The following MAPK10 variants were observed in gnomAD, a reference collection of about 807,000 sequenced individuals.
MAPK10 encodes the protein mitogen-activated protein kinase 10.
In MAPK10, 25 loss-of-function variants were observed where a neutral mutation model predicts 59.3. The ratio of observed to expected loss-of-function variants is 0.42; its 90% CI spans 0.31 to 0.59. MAPK10 has a LOEUF of 0.59. Ranked by LOEUF, MAPK10 falls within the 20% of genes least tolerant of loss-of-function variation. The pLI is 0.15. For missense variants in MAPK10, 351 were observed against 568.9 expected, an observed-to-expected ratio of 0.62 and a Z score of 3.90; for synonymous variants, 190 against 200.5, an observed-to-expected ratio of 0.95 and a Z score of 0.44.
chr4:86,487,336 A>C (rs1754070627), intron 1 of MAPK10, among the ~76,000 whole-genome samples: 1 of 148,654 alleles, frequency 6.7e-6, no homozygotes, highest in African/African-American at 2.5e-5. Flanking sequence ...AAGCTATCTA[A>C]AATAGTTCAT....
intron 1 of MAPK10, among the ~76,000 whole-genome samples, chr4:86,534,698 G>A (rs1466558399): frequency 6.6e-6 from 1 of 152,034 alleles, no homozygotes; most frequent in African/African-American, 2.4e-5. Context: ...CTGAGGTCAG[G>A]AGTTCGAGAC....
intron 2 of MAPK10, among the ~76,000 whole-genome samples, chr4:86,310,879 C>G (rs1272301364): frequency 6.6e-6 from 1 of 151,990 alleles, no homozygotes; most frequent in African/African-American, 2.4e-5. Flanking sequence ...TACTCCACAT[C>G]TCCTACTGTG....
chr4:86,477,866 C>T (rs1228777307), intron 1 of MAPK10, among the ~76,000 whole-genome samples: 3 of 152,146 alleles, frequency 2.0e-5, no homozygotes, highest in African/African-American at 7.2e-5. Flanking sequence ...CCTTTGCACC[C>T]TTCGTCCCAG....
intron 1 of MAPK10, among the ~76,000 whole-genome samples, chr4:86,487,730 C>CAAA (rs556680512): frequency 1.0e-5 from 1 of 95,696 alleles, no homozygotes; most frequent in Admixed American, 1.0e-4. Context: ...GACTCTGTCT[C>CAAA]AAAAAAAAAA....
At chr4:86,224,218 AAT>A (rs1302788482) in intron 2 of MAPK10, among the ~76,000 whole-genome samples, 1 of 152,186 alleles carries the variant, frequency 6.6e-6, no homozygotes, top group Non-Finnish European at 1.5e-5. Flanking sequence ...AGACACTAAG[AAT>A]ACAGAGGAGT....
chr4:86,444,736 C>T (rs1156375259), intron 1 of MAPK10, among the ~76,000 whole-genome samples: 1 of 150,520 alleles, frequency 6.6e-6, no homozygotes, highest in Non-Finnish European at 1.5e-5. Context: ...AAAAAAACAA[C>T]CCTATCAAAA....
At chr4:86,255,261 T>C (rs1003191310) in intron 2 of MAPK10, among the ~76,000 whole-genome samples, 24 of 152,210 alleles carry the variant, frequency 1.6e-4, no homozygotes, top group Non-Finnish European at 3.2e-4. Flanking sequence ...TAAACTCACC[T>C]GCTCTTTTTT....
intron 11 of MAPK10, among the ~76,000 whole-genome samples, chr4:86,042,530 GTTAA>G (rs1159955999): frequency 4.6e-5 from 7 of 152,088 alleles, no homozygotes; most frequent in African/African-American, 1.7e-4. Flanking sequence ...ATAAAAATAT[GTTAA>G]TTGTGACATC....
chr4:86,409,136 C>G (rs968737859), intron 1 of MAPK10, among the ~76,000 whole-genome samples: 3 of 152,188 alleles, frequency 2.0e-5, no homozygotes, highest in Admixed American at 2.0e-4. Flanking sequence ...CCAGTTTTCT[C>G]AACACCATTT....
intron 1 of MAPK10, among the ~76,000 whole-genome samples, chr4:86,508,653 T>C (rs1355225975): frequency 2.0e-5 from 3 of 152,198 alleles, no homozygotes; most frequent in Non-Finnish European, 4.4e-5. Flanking sequence ...TGTCTGTAAA[T>C]GATTTGGCTC....
At chr4:86,534,558 G>A (rs1420122018) in intron 1 of MAPK10, among the ~76,000 whole-genome samples, 1 of 152,102 alleles carries the variant, frequency 6.6e-6, no homozygotes, top group Non-Finnish European at 1.5e-5. Context: ...AACGGAGTGA[G>A]TGGTATATGG....
intron 1 of MAPK10, among the ~76,000 whole-genome samples, chr4:86,514,225 A>G (rs894190343): frequency 6.6e-6 from 1 of 152,214 alleles, no homozygotes; most frequent in African/African-American, 2.4e-5. Context: ...GGCTCTGAAA[A>G]AAACCCACAA....
intron 2 of MAPK10, among the ~76,000 whole-genome samples, chr4:86,205,155 A>T (rs1563075092): frequency 6.6e-6 from 1 of 151,950 alleles, no homozygotes; most frequent in Non-Finnish European, 1.5e-5. Context: ...AGATACCCCT[A>T]CCACATAAAA....
At chr4:86,329,725 T>C (rs759387635) in intron 2 of MAPK10, among the ~76,000 whole-genome samples, 18 of 152,222 alleles carry the variant, frequency 1.2e-4, no homozygotes, top group Non-Finnish European at 2.4e-4. Context: ...GCTTGCTGAA[T>C]AACCTTATCC....
At chr4:86,037,045 G>A (rs1343333869) in intron 11 of MAPK10, among the ~76,000 whole-genome samples, 1 of 152,076 alleles carries the variant, frequency 6.6e-6, no homozygotes, top group Non-Finnish European at 1.5e-5. Context: ...TCTATTTTTA[G>A]AAACGTAAAA....
At chr4:86,246,694 C>A (rs1031124235) in intron 2 of MAPK10, among the ~76,000 whole-genome samples, 4 of 152,142 alleles carry the variant, frequency 2.6e-5, no homozygotes, top group Non-Finnish European at 4.4e-5. Context: ...ACCTCCACTA[C>A]AGATGAAGAA....
intron 1 of MAPK10, among the ~76,000 whole-genome samples, chr4:86,427,384 A>G (rs191859353): frequency 6.6e-6 from 1 of 152,228 alleles, no homozygotes; most frequent in East Asian, 1.9e-4. Flanking sequence ...ACCAAAGACG[A>G]GTCTAGTGGC....
intron 2 of MAPK10, among the ~76,000 whole-genome samples, chr4:86,218,568 C>CAAA (rs11330422): frequency 0.024 from 2,272 of 95,240 alleles, 64 homozygotes; most frequent in African/African-American, 0.047. Flanking sequence ...AAGACTTAAG[C>CAAA]AAAAAAAAAA....
intron 3 of MAPK10, among the ~76,000 whole-genome samples, chr4:86,162,325 G>A (rs573000511): frequency 1.1e-4 from 16 of 151,906 alleles, no homozygotes; most frequent in African/African-American, 2.7e-4. Context: ...AACTATGTGT[G>A]TATTCCAGGA....
Sources: gnomAD v4.1 joint callset for allele counts (sites outside exome capture counted in the v4.1 genomes callset) on GRCh38, gnomAD v4.1.1 for gene constraint, MANE v1.5 for transcripts, NCBI Gene and HGNC (gene_info 2026-07-23, HGNC 2026-07-21) for gene names.